The following BACE1 variants were observed in gnomAD, a reference collection of about 807,000 sequenced individuals.
The protein encoded by BACE1 is beta-secretase 1.
BACE1 carries 21 observed loss-of-function variants against 54.0 expected under a neutral mutation model. The observed-to-expected ratio is 0.39, with a 90% CI of 0.28 to 0.56. BACE1 has a LOEUF of 0.56. Ranked by LOEUF, BACE1 falls within the 20% of genes least tolerant of loss-of-function variation. The pLI is 0.63. For missense variants in BACE1, 511 were observed against 661.2 expected (o/e 0.77, Z 2.49); for synonymous variants, 232 against 260.9 (o/e 0.89, Z 1.07).
chr11:117,291,010 G>T lies in BACE1; in HGVS notation c.982C>A (p.Leu328Met). The change falls in exon 7 of 9, where the codon CTG becomes ATG. Residue 328 changes from leucine to methionine, a missense_variant. By Grantham distance (15) the Leu-to-Met change is conservative. Around this residue, in one of 2 missense-constraint regions of BACE1, gnomAD observed 407 missense variants for 565.7 expected, o/e 0.72. Transcript: ENST00000313005. ...GTGGTGCCTGCTTGCCAGCACACCA[G>T]CTGCTCTCCTAGCCAGAAACCATCA... ...FPDGFWLGEQ[L>M]VCWQAGTTPW... 6.2e-7 allele frequency: 1 copy of T among 1,614,220 alleles called. No homozygotes were observed. The highest frequency in any genetic ancestry group is 8.5e-7 in the Non-Finnish European group (1 of 1,180,044).
chr11:117,289,599 A>G lies in BACE1; in HGVS notation c.1473T>C (p.Asp491=), dbSNP rs2034354337. ...RCLRCLRQQH[D]DFADDISLLK ...GCAGGGAGATGTCATCAGCAAAGTC[A>G]TCATGCTGCTGGCGCAGGCAGCGGA... Residue 491 remains aspartate (D), a synonymous_variant, in exon 9 of 9, where the codon GAT becomes GAC. Transcript: ENST00000313005. 1 of 1,614,180 alleles carries G rather than the reference A, an allele frequency of 6.2e-7. No individual in the cohort carries two copies. The highest frequency in any genetic ancestry group is 8.5e-7 in the Non-Finnish European group (1 of 1,180,038).
chr11:117,315,910 A>C lies in BACE1; in HGVS notation c.-115T>G. 1 of 1,231,884 alleles carries C rather than the reference A, an allele frequency of 8.1e-7. No homozygotes were observed. The highest frequency in any genetic ancestry group is 1.9e-5 in the South Asian group (1 of 51,876). The allele number at this position is 1,231,884 out of a possible 1,614,324, so 76.3% of individuals were successfully genotyped here. ...TTCTCAGGAGAGGGAGCTTGGGGGCATCAGGACGCCAGGGCCTGCAGGGCC... is the reference window on the plus strand; with the variant it reads ...TTCTCAGGAGAGGGAGCTTGGGGGCCTCAGGACGCCAGGGCCTGCAGGGCC... On this transcript the variant is annotated 5_prime_UTR_variant, in exon 1 of 9. It removes an upstream start codon present in the reference 5' UTR. Transcript: ENST00000313005. This position sits in a 1 kb window ranked among gnomAD's most constrained non-coding sequence, Gnocchi z 5.5.
At position 117,309,233 on chromosome 11, in the gene BACE1, T is replaced by C. The variant is rs528152556; in HGVS notation, c.261+6302A>G. On this transcript the variant is annotated intron_variant, in intron 1 of 8. Transcript: ENST00000313005. Reference sequence around the variant, plus strand: ...TCATGATGCTAGACTCTCCAAGTTATTCTGCACACTGAAGCTGTTTTCCTG... The same window carrying C: ...TCATGATGCTAGACTCTCCAAGTTACTCTGCACACTGAAGCTGTTTTCCTG... Among the ~76,000 whole-genome samples the C allele has an allele frequency of 2.0e-5, 3 of 152,326 alleles. No individual in the cohort carries two copies. In the East Asian group the frequency reaches 5.8e-4, roughly 29 times the overall value.
At chr11:117,299,058 G>A (rs28989491) in intron 1 of BACE1, among the ~76,000 whole-genome samples, 7 of 152,118 alleles carry the variant, frequency 4.6e-5, no homozygotes, top group African/African-American at 7.2e-5. Context: ...CACCTGCCTC[G>A]GCCTCCCAAA....
rs528722309 is a variant in BACE1 at position 117,287,443 on chromosome 11, C to CT, written c.*2122dup. ...TACAAGCAAGAAGCTGTTGTTAAGA[C>CT]TTTTTTTTACACTTAGAGTTTATAA... On this transcript the variant is annotated 3_prime_UTR_variant, in exon 9 of 9. Transcript: ENST00000313005. 285 of 152,452 alleles carry CT rather than the reference C, an allele frequency of 1.9e-3. 2 individuals are homozygous for CT. The highest frequency in any genetic ancestry group is 3.4e-3 in the Middle Eastern group (1 of 294). 9.4% of individuals were successfully genotyped at this position (152,452 alleles called of 1,614,324 possible). A position where few individuals can be genotyped will look rare whatever the true frequency, so the allele number is the denominator to read the frequency against.
intron 1 of BACE1, among the ~76,000 whole-genome samples, chr11:117,302,237 G>A (rs1265756889): frequency 6.6e-6 from 1 of 152,174 alleles, no homozygotes; most frequent in Non-Finnish European, 1.5e-5. Flanking sequence ...GAAGGCTGAG[G>A]CAGGAGAATC....
At chr11:117,311,939 C>T (rs2134496780) in intron 1 of BACE1, among the ~76,000 whole-genome samples, 1 of 152,266 alleles carries the variant, frequency 6.6e-6, no homozygotes, top group East Asian at 1.9e-4. Flanking sequence ...ACACACAGCC[C>T]CCACTCTTTT....
chr11:117,315,924 G>T lies in BACE1; in HGVS notation c.-129C>A. 9.2e-7 allele frequency: 1 copy of T among 1,086,946 alleles called. No individual in the cohort carries two copies. Among genetic ancestry groups the T allele is most frequent in the Non-Finnish European group, 1.2e-6 (1 of 818,940 alleles). 67.3% of individuals were successfully genotyped at this position (1,086,946 alleles called of 1,614,324 possible). On this transcript the variant is annotated 5_prime_UTR_variant, in exon 1 of 9. Transcript: ENST00000313005. This position sits in a 1 kb window ranked among gnomAD's most constrained non-coding sequence, Gnocchi z 5.5. ...AGCTTGGGGGCATCAGGACGCCAGG[G>T]CCTGCAGGGCCCTGGGCCAGCCCCC...
At position 117,293,303 on chromosome 11, in the gene BACE1, A is replaced by G; in HGVS notation, c.706-115T>C. The G allele has an allele frequency of 9.3e-7, 1 of 1,076,260 alleles. No individual in the cohort carries two copies. Among genetic ancestry groups the G allele is most frequent in the Middle Eastern group, 3.2e-4 (1 of 3,164 alleles). The allele number at this position is 1,076,260 out of a possible 1,614,324, so 66.7% of individuals were successfully genotyped here. A position where few individuals can be genotyped will look rare whatever the true frequency, so the allele number is the denominator to read the frequency against. On this transcript the variant is annotated intron_variant, in intron 4 of 8. Transcript: ENST00000313005. The surrounding 1 kb of genome is among the most constrained non-coding windows in gnomAD (Gnocchi z 4.1). ...GGGGTGGCAAGGTCTTCTACAGGCT[A>G]CCCTTTTCATCTTCCTGCTTCTAAA... is the stretch of plus-strand genomic sequence containing the variant.
chr11:117,290,697 C>G (rs1231240869), intron 7 of BACE1, 38 bp from the exon 8 acceptor site: 2 of 1,607,266 alleles, frequency 1.2e-6, no homozygotes, highest in African/African-American at 2.7e-5. Flanking sequence ...GTCTTCCTCA[C>G]TCTCCTTCAC....
At chr11:117,291,941 G>A in intron 5 of BACE1, 128 bp from the exon 6 acceptor site, 1 of 590,164 alleles carries the variant, frequency 1.7e-6, no homozygotes, top group Non-Finnish European at 3.1e-6. Context: ...AAGTGTACCT[G>A]CTTGGACAAG....
chr11:117,315,786 C>A lies in BACE1; in HGVS notation c.10G>T (p.Ala4Ser). The change falls in exon 1 of 9, where the codon GCC (alanine) becomes TCC (serine). Residue 4 changes from alanine to serine, a missense_variant. This residue lies in a region of BACE1 where 104 missense variants were observed against 95.5 expected (regional missense o/e 1.09). Transcript: ENST00000313005. The surrounding 1 kb of genome is among the most constrained non-coding windows in gnomAD (Gnocchi z 5.5). ...ATCCACAGCAGGAGCCAGGGCAGGG[C>A]TTGGGCCATGGTGGGCCCCGGCCTT... MAQ[A>S]LPWLLLWMGA... is the part of the protein sequence containing the mutation. 1.4e-6 allele frequency: 2 copies of A among 1,429,638 alleles called. No homozygotes were observed. The highest frequency in any genetic ancestry group is 3.0e-5 in the South Asian group (2 of 67,532). 88.6% of individuals were successfully genotyped at this position (1,429,638 alleles called of 1,614,324 possible). A position where few individuals can be genotyped will look rare whatever the true frequency, so the allele number is the denominator to read the frequency against.
intron 1 of BACE1, among the ~76,000 whole-genome samples, chr11:117,313,207 A>G (rs1433286194): frequency 2.0e-5 from 3 of 152,216 alleles, no homozygotes; most frequent in Admixed American, 2.0e-4. Context: ...ATGCAGGCTT[A>G]GTTAGAAATC....
intron 2 of BACE1, among the ~76,000 whole-genome samples, chr11:117,296,084 A>C (rs920894252): frequency 6.6e-6 from 1 of 152,188 alleles, no homozygotes; most frequent in Non-Finnish European, 1.5e-5. Context: ...GCAGCTGCCT[A>C]CAAGTCCAAG....
intron 1 of BACE1, among the ~76,000 whole-genome samples, chr11:117,300,276 CACACA>C (rs1382424601): frequency 6.6e-6 from 1 of 152,206 alleles, no homozygotes; most frequent in Non-Finnish European, 1.5e-5. Flanking sequence ...CTTACACACA[CACACA>C]AAAGAAAACC....
rs2034514951 is a variant in BACE1 at position 117,293,555 on chromosome 11, T to C, written c.705+316A>G. ...ACCATTGTTCTAATTAATTAATAAA[T>C]AGACAAACTTCTTATATCTCTGCCT... is the stretch of plus-strand genomic sequence containing the variant. On this transcript the variant is annotated intron_variant, in intron 4 of 8. Transcript: ENST00000313005. The surrounding 1 kb of genome is among the most constrained non-coding windows in gnomAD (Gnocchi z 4.1). 3.6e-6 allele frequency: 1 copy of C among 275,032 alleles called. No homozygotes were observed. The highest frequency in any genetic ancestry group is 6.7e-6 in the Non-Finnish European group (1 of 149,810). The allele number at this position is 275,032 out of a possible 1,614,324, so 17.0% of individuals were successfully genotyped here. A position where few individuals can be genotyped will look rare whatever the true frequency, so the allele number is the denominator to read the frequency against.
In BACE1 at chr11:117,293,166, G is replaced by T. The variant is rs201550686; in HGVS notation, c.728C>A (p.Ser243Ter). The change falls in exon 5 of 9, where the codon TCG (serine) becomes TAG (stop). Residue 243 changes from serine to a stop codon, truncating the protein, a stop_gained. Coordinates refer to ENST00000313005, the MANE Select transcript of BACE1 (RefSeq NM_012104.6). LOFTEE classifies it high-confidence loss of function. This position sits in a 1 kb window ranked among gnomAD's most constrained non-coding sequence, Gnocchi z 4.1. ...GSMIIGGIDHSLYTGSLWYTP... is the reference protein window; with the variant it reads ...GSMIIGGIDH The stretch of plus-strand genomic sequence containing the variant: ...ATACCAGAGACTGCCTGTGTACAGC[G>T]AGTGGTCGATACCTCCAATGATCTA... The T allele has an allele frequency of 6.2e-7, 1 of 1,613,854 alleles. No homozygotes were observed. The highest frequency in any genetic ancestry group is 8.5e-7 in the Non-Finnish European group (1 of 1,179,950).
chr11:117,293,857 G>C lies in BACE1; in HGVS notation c.705+14C>G. On this transcript the variant is annotated intron_variant, in intron 4 of 8. Coordinates refer to ENST00000313005, the MANE Select transcript of BACE1 (RefSeq NM_012104.6). The surrounding 1 kb of genome is among the most constrained non-coding windows in gnomAD (Gnocchi z 4.1). ...CTCAATGCCAGGACCTCCCCTCTCT[G>C]AGGACCTACTCACCATGCTCCCTCC... 2.5e-6 allele frequency: 4 copies of C among 1,606,874 alleles called. No homozygotes were observed. The highest frequency in any genetic ancestry group is 3.4e-6 in the Non-Finnish European group (4 of 1,176,934).
At chr11:117,312,599 A>T (rs1486744491) in intron 1 of BACE1, among the ~76,000 whole-genome samples, 1 of 151,840 alleles carries the variant, frequency 6.6e-6, no homozygotes, top group Non-Finnish European at 1.5e-5. Flanking sequence ...AGTAGCTGGG[A>T]TTATAGGCGC....
Sources: allele counts gnomAD v4.1 joint callset (sites outside exome capture counted in the v4.1 genomes callset), GRCh38; gene constraint gnomAD v4.1.1; regional missense constraint gnomAD v4.1.1; non-coding constraint Gnocchi (gnomAD v3.1); transcripts MANE v1.5; gene names NCBI Gene and HGNC (gene_info 2026-07-23, HGNC 2026-07-21).